The following EIF3B variants were observed in gnomAD, a reference collection of about 807,000 sequenced individuals.
EIF3B encodes eukaryotic translation initiation factor 3 subunit B.
A neutral mutation model predicts 104.6 loss-of-function variants in EIF3B; 10 were observed. The observed-to-expected ratio is 0.10, with a 90% CI of 0.06 to 0.16. The LOEUF is 0.16. Ranked by LOEUF, EIF3B falls within the 10% of genes least tolerant of loss-of-function variation. EIF3B has a pLI of 1.00. For synonymous variants in EIF3B, 542 were observed against 417.2 expected (o/e 1.30, Z -3.65); for missense variants, 1,014 against 1,087.9 (o/e 0.93, Z 0.96).
chr7:2,364,732 C>T (rs1471237057), intron 6 of EIF3B, among the ~76,000 whole-genome samples: 1 of 152,170 alleles, frequency 6.6e-6, no homozygotes, highest in East Asian at 1.9e-4. Flanking sequence ...TTTCCTGAGC[C>T]ATTTGGGAGT....
At chr7:2,362,838 C>T in intron 3 of EIF3B, 74 bp downstream of exon 3, 1 of 1,591,108 alleles carries the variant, frequency 6.3e-7, no homozygotes, top group Admixed American at 1.7e-5. Flanking sequence ...TGGCTTGGTG[C>T]TTCTCGGTGC....
intron 12 of EIF3B, 104 bp downstream of exon 12, chr7:2,372,899 C>G (rs973349139): frequency 7.6e-7 from 1 of 1,307,756 alleles, no homozygotes; most frequent in South Asian, 1.8e-5. Context: ...CACTGCTGGG[C>G]AGGCCGGGAC....
At chr7:2,363,282 C>T (rs995307012) in intron 4 of EIF3B, among the ~76,000 whole-genome samples, 155 bp downstream of exon 4, 3 of 151,854 alleles carry the variant, frequency 2.0e-5, no homozygotes, top group East Asian at 1.9e-4. Flanking sequence ...GTGAGACCCC[C>T]GCCTCTACAA....
intron 3 of EIF3B, 36 bp from the exon 4 acceptor site, chr7:2,363,034 A>C: frequency 3.7e-6 from 6 of 1,612,104 alleles, no homozygotes; most frequent in Non-Finnish European, 5.1e-6. Flanking sequence ...TCTAGTCGTC[A>C]GGGCGTGGGG....
chr7:2,376,482 G>A (rs1258212019), intron 14 of EIF3B: 3 of 153,270 alleles, frequency 2.0e-5, no homozygotes, highest in South Asian at 2.1e-4. Flanking sequence ...CCTGCCATGA[G>A]GAGAGCGGAA....
At chr7:2,373,262 GGTGCGTGGGCCCTC>G (rs1349205794) in intron 12 of EIF3B, 13 of 153,760 alleles carry the variant, frequency 8.5e-5, no homozygotes, top group African/African-American at 2.9e-4. Context: ...TCCTCACAGT[GGTGCGTGGGCCCTC>G]GCCTGTCTCA....
intron 16 of EIF3B, 164 bp downstream of exon 16, chr7:2,378,930 C>G: frequency 1.3e-6 from 1 of 768,138 alleles, no homozygotes. Flanking sequence ...GGGGTTGGCA[C>G]GGGGACTTGG....
Position 2,372,739 on chromosome 7 carries a change from C to T in EIF3B, c.1754C>T (p.Pro585Leu), listed in dbSNP as rs1780422346. 4 of 1,614,022 alleles carry T rather than the reference C, an allele frequency of 2.5e-6. No individual in the cohort carries two copies. Among genetic ancestry groups the T allele is most frequent in the Admixed American group, 3.3e-5 (2 of 59,996 alleles). Residue 585 changes from proline (P) to leucine (L), a missense_variant, in exon 12 of 19, where the codon CCG (proline) becomes CTG (leucine). Transcript: ENST00000360876. ...SKFAVLHGEAPRISVSFYHVK... is the reference protein window; with the variant it reads ...SKFAVLHGEALRISVSFYHVK... Reference sequence around the variant, plus strand: ...TTTGCTGTGCTGCACGGAGAGGCTCCGCGGATATCTGTGTCTTTCTACCAC... The same window carrying T: ...TTTGCTGTGCTGCACGGAGAGGCTCTGCGGATATCTGTGTCTTTCTACCAC...
chr7:2,364,585 C>G lies in EIF3B; in HGVS notation c.1157+56C>G. 2.0e-6 allele frequency: 3 copies of G among 1,478,306 alleles called. No individual in the cohort carries two copies. The South Asian group carries it at 3.7e-5, about 18-fold the overall frequency. 91.6% of individuals were successfully genotyped at this position (1,478,306 alleles called of 1,614,324 possible). On this transcript the variant is annotated intron_variant, in intron 6 of 18. Transcript: ENST00000360876. ...ATGCATTTCACCCCATGCCAGCCTT[C>G]TACAGGTGATCTTTCATTTTGTAGC...
chr7:2,368,124 G>A (rs1386972549), intron 9 of EIF3B, among the ~76,000 whole-genome samples: 22 of 151,754 alleles, frequency 1.4e-4, no homozygotes, highest in Admixed American at 1.4e-3. Flanking sequence ...GATTACTGGC[G>A]TGAGCCACCA....
At chr7:2,354,550 G>A (rs1454984827), upstream of EIF3B, among the ~76,000 whole-genome samples, 2 of 152,152 alleles carry the variant, frequency 1.3e-5, no homozygotes, top group Non-Finnish European at 2.9e-5. Flanking sequence ...GTCCCGCCCC[G>A]CAGCGTCCGA....
At chr7:2,374,731 G>T (rs764549208) in intron 13 of EIF3B, 125 bp downstream of exon 13, 41 of 813,684 alleles carry the variant, frequency 5.0e-5, no homozygotes, top group Non-Finnish European at 7.8e-5. Context: ...GGTTGCCCCA[G>T]TGTCAGTGGA....
At chr7:2,356,692 T>G (rs1333547404) in intron 1 of EIF3B, among the ~76,000 whole-genome samples, 6 of 151,734 alleles carry the variant, frequency 4.0e-5, no homozygotes, top group Non-Finnish European at 7.4e-5. Context: ...CTCAGGTACT[T>G]GGGAGGCTGA....
chr7:2,376,626 A>C (rs1314275556), intron 14 of EIF3B: 1 of 283,630 alleles, frequency 3.5e-6, no homozygotes, highest in Non-Finnish European at 6.7e-6. Flanking sequence ...AGTCCAGTTT[A>C]AATCCAGCAC....
chr7:2,355,256 C>G lies in EIF3B; in HGVS notation c.335C>G (p.Ala112Gly). ...PAQGEAPGEQ[A>G]RDERSDSRAQ... ...CAGGGCGAGGCCCCAGGAGAGCAGG[C>G]TCGGGACGAGCGCTCCGACAGCCGG... Residue 112 changes from alanine (A) to glycine (G), a missense_variant, in exon 1 of 19, where the codon GCT becomes GGT. Physicochemically the swap from Ala to Gly is moderately conservative, Grantham distance 60. Transcript: ENST00000360876. 2 of 1,529,836 alleles carry G rather than the reference C, an allele frequency of 1.3e-6. No individual in the cohort carries two copies. The highest frequency in any genetic ancestry group is 2.4e-5 in the South Asian group (2 of 83,296). 94.8% of individuals were successfully genotyped at this position (1,529,836 alleles called of 1,614,324 possible). A position where few individuals can be genotyped will look rare whatever the true frequency, so the allele number is the denominator to read the frequency against.
chr7:2,380,256 G>T lies in EIF3B; in HGVS notation c.*67G>T. On this transcript the variant is annotated 3_prime_UTR_variant, in exon 19 of 19. Coordinates refer to ENST00000360876, the MANE Select transcript of EIF3B (RefSeq NM_001037283.2). Reference sequence around the variant, plus strand: ...GCTGAGCTACAGGACTCCCGAGTGTGAGCCGCGGTTCCTCTGTTGCAGCGC... The same window carrying T: ...GCTGAGCTACAGGACTCCCGAGTGTTAGCCGCGGTTCCTCTGTTGCAGCGC... 2.1e-6 allele frequency: 1 copy of T among 483,308 alleles called. No homozygotes were observed. Among genetic ancestry groups the T allele is most frequent in the Non-Finnish European group, 4.1e-6 (1 of 242,314 alleles). The allele number at this position is 483,308 out of a possible 1,614,324, so 29.9% of individuals were successfully genotyped here.
At chr7:2,371,525 T>TC (rs1452904418) in intron 10 of EIF3B, among the ~76,000 whole-genome samples, 1 of 152,144 alleles carries the variant, frequency 6.6e-6, no homozygotes, top group Non-Finnish European at 1.5e-5. Context: ...GCAGGGCGGC[T>TC]CCTGGAGGTG....
intron 8 of EIF3B, 26 bp from the exon 9 acceptor site, chr7:2,366,973 C>A (rs759372117): frequency 6.2e-7 from 1 of 1,609,266 alleles, no homozygotes; most frequent in South Asian, 1.1e-5. Context: ...TTTGACTCAA[C>A]TGCAGCCTTC....
Position 2,361,223 on chromosome 7 carries a change from C to T in EIF3B, c.692+321C>T, listed in dbSNP as rs1257181963. ...AGTGAGCTATGATAACGTAGCTGTA[C>T]TCCAGTCTGGGTGACAGAGCAAGAC... On this transcript the variant is annotated intron_variant, in intron 2 of 18. Transcript: ENST00000360876. Among the ~76,000 whole-genome samples, 8 of 152,250 alleles carry T rather than the reference C, an allele frequency of 5.3e-5. No homozygotes were observed. The East Asian group carries it at 5.8e-4, about 11-fold the overall frequency.
Sources: gnomAD v4.1 joint callset for allele counts (sites outside exome capture counted in the v4.1 genomes callset) on GRCh38, gnomAD v4.1.1 for gene constraint, MANE v1.5 for transcripts, NCBI Gene and HGNC (gene_info 2026-07-23, HGNC 2026-07-21) for gene names.